The following MAT2B variants were observed in gnomAD, a reference collection of about 807,000 sequenced individuals.
The protein encoded by MAT2B is methionine adenosyltransferase 2 subunit beta.
A neutral mutation model predicts 36.1 loss-of-function variants in MAT2B; 16 were observed. The ratio of observed to expected loss-of-function variants is 0.44; its 90% CI spans 0.30 to 0.67. MAT2B has a LOEUF of 0.67. Ranked by LOEUF, MAT2B falls within the 30% of genes least tolerant of loss-of-function variation. The pLI, the probability that MAT2B is intolerant of heterozygous loss-of-function variation, is 0.09. For synonymous variants in MAT2B, 148 were observed against 136.9 expected, an observed-to-expected ratio of 1.08 and a Z score of -0.57; for missense variants, 332 against 398.2, an observed-to-expected ratio of 0.83 and a Z score of 1.42.
intron 4 of MAT2B, among the ~76,000 whole-genome samples, chr5:163,515,315 T>C (rs2113560401): frequency 6.6e-6 from 1 of 152,332 alleles, no homozygotes; most frequent in Middle Eastern, 3.4e-3. Flanking sequence ...TAAATATTAA[T>C]GAGTGGTTGT....
At position 163,518,455 on chromosome 5, in the gene MAT2B, C is replaced by T; in HGVS notation, c.*92C>T. On this transcript the variant is annotated 3_prime_UTR_variant, in exon 7 of 7. Coordinates refer to ENST00000321757, the MANE Select transcript of MAT2B (RefSeq NM_013283.5). ...CAAAGGAAATAGTTTTGTATGAGTA[C>T]TTTAATTGTGACTCTTAGGATCTTT... The T allele has an allele frequency of 1.9e-6, 2 of 1,047,632 alleles. No homozygotes were observed. Among genetic ancestry groups the T allele is most frequent in the Non-Finnish European group, 2.7e-6 (2 of 737,648 alleles). The allele number at this position is 1,047,632 out of a possible 1,614,324, so 64.9% of individuals were successfully genotyped here. A position where few individuals can be genotyped will look rare whatever the true frequency, so the allele number is the denominator to read the frequency against.
At chr5:163,515,706 A>G (rs990418822) in intron 4 of MAT2B, among the ~76,000 whole-genome samples, 1 of 150,880 alleles carries the variant, frequency 6.6e-6, no homozygotes, top group African/African-American at 2.4e-5. Context: ...TGTAGGATTT[A>G]TATATATAAA....
intron 2 of MAT2B, chr5:163,512,550 G>A (rs774113340): frequency 4.5e-5 from 17 of 375,462 alleles, no homozygotes; most frequent in Middle Eastern, 9.0e-4. Flanking sequence ...AGAGGTTTTC[G>A]GTATCATTGA....
upstream of MAT2B, chr5:163,505,511 GT>G: frequency 8.1e-7 from 1 of 1,238,408 alleles, no homozygotes. Context: ...TTTCTGGGGC[GT>G]CGGCGGAGCG....
In MAT2B at chr5:163,509,614, TA is replaced by T. The variant is rs370969942; in HGVS notation, c.64-2383del. Among the ~76,000 whole-genome samples the T allele has an allele frequency of 5.3e-3, 802 of 152,292 alleles. 5 individuals carry two copies. Among genetic ancestry groups the T allele is most frequent in the African/African-American group, 0.018 (768 of 41,552 alleles). ...GTTCCTTTGCTTCCGTAGAGTGAAG[TA>T]AAAAGTGAGGAACTCAGAAGAAACC... On this transcript the variant is annotated intron_variant, in intron 1 of 6. Coordinates refer to ENST00000321757, the MANE Select transcript of MAT2B (RefSeq NM_013283.5).
intron 5 of MAT2B, 102 bp downstream of exon 5, chr5:163,516,813 A>G (rs1207869365): frequency 2.3e-6 from 3 of 1,302,518 alleles, no homozygotes; most frequent in Admixed American, 1.9e-5. Context: ...GTGAAAGCCA[A>G]AAGTGCTTTT....
intron 4 of MAT2B, 46 bp downstream of exon 4, chr5:163,514,040 A>G: frequency 1.3e-6 from 2 of 1,517,880 alleles, no homozygotes; most frequent in Non-Finnish European, 1.8e-6. Context: ...GAAGACTTTA[A>G]AAATCATTTA....
In MAT2B at chr5:163,517,627, T is replaced by C. The variant is rs1262037578; in HGVS notation, c.787T>C (p.Cys263Arg). ...NEQMTKYEMA[C>R]AIADAFNLPS... is the part of the protein sequence containing the mutation. ...ACAGATGACTAAGTATGAAATGGCA[T>C]GTGCAATTGCAGATGCCTTCAACCT... The change falls in exon 6 of 7, where the codon TGT (cysteine) becomes CGT (arginine). Residue 263 changes from cysteine to arginine, a missense_variant. Physicochemically the swap from Cys to Arg is radical, Grantham distance 180. Coordinates refer to ENST00000321757, the MANE Select transcript of MAT2B (RefSeq NM_013283.5). 1.2e-6 allele frequency: 2 copies of C among 1,613,840 alleles called. No individual in the cohort carries two copies. The highest frequency in any genetic ancestry group is 2.7e-5 in the African/African-American group (2 of 74,930).
At chr5:163,509,206 C>A (rs1434361059) in intron 1 of MAT2B, among the ~76,000 whole-genome samples, 1 of 152,112 alleles carries the variant, frequency 6.6e-6, no homozygotes, top group Non-Finnish European at 1.5e-5. Context: ...AACTGTACTT[C>A]ACAGAGTCAG....
At chr5:163,506,749 A>G (rs1759949101) in intron 1 of MAT2B, among the ~76,000 whole-genome samples, 1 of 152,238 alleles carries the variant, frequency 6.6e-6, no homozygotes, top group African/African-American at 2.4e-5. Flanking sequence ...TTACATTTAT[A>G]TGTATGCATT....
upstream of MAT2B, chr5:163,505,421 C>T (rs1759909977): frequency 2.6e-6 from 2 of 765,392 alleles, no homozygotes; most frequent in African/African-American, 1.8e-5. Context: ...AATTCACTGC[C>T]TAAGGTCAGG....
chr5:163,513,385 GC>G (rs1760080553), intron 2 of MAT2B, 169 bp from the exon 3 acceptor site: 1 of 529,934 alleles, frequency 1.9e-6, no homozygotes, highest in African/African-American at 1.9e-5. Flanking sequence ...TTTGAACCTT[GC>G]GGGGAAAAGA....
intron 1 of MAT2B, among the ~76,000 whole-genome samples, chr5:163,507,767 C>T (rs1759969710): frequency 6.6e-6 from 1 of 152,172 alleles, no homozygotes; most frequent in Admixed American, 6.5e-5. Flanking sequence ...GTGTAAAAGG[C>T]AGAGTATTGC....
At chr5:163,509,442 A>G (rs888267812) in intron 1 of MAT2B, among the ~76,000 whole-genome samples, 3 of 152,196 alleles carry the variant, frequency 2.0e-5, no homozygotes, top group African/African-American at 7.2e-5. Flanking sequence ...GCGGTCTCCA[A>G]ATCACGATGA....
At position 163,514,009 on chromosome 5, in the gene MAT2B, A is replaced by C. The variant is rs1554099905; in HGVS notation, c.526+15A>C. On this transcript the variant is annotated intron_variant, in intron 4 of 6. Transcript: ENST00000321757. ...GAACAATCTAGGTAAGACCTAATCT[A>C]TTTAGCCCCTGATTGTTTTTGAAGA... is the stretch of plus-strand genomic sequence containing the variant. The C allele has an allele frequency of 6.3e-7, 1 of 1,590,028 alleles. No individual in the cohort carries two copies. The highest frequency in any genetic ancestry group is 8.5e-7 in the Non-Finnish European group (1 of 1,171,298).
intron 4 of MAT2B, among the ~76,000 whole-genome samples, chr5:163,515,034 A>G (rs1760110420): frequency 6.6e-6 from 1 of 152,160 alleles, no homozygotes; most frequent in Non-Finnish European, 1.5e-5. Context: ...GCAGAAAGGG[A>G]TGTGCTTCTT....
At chr5:163,509,942 C>G (rs186571428) in intron 1 of MAT2B, among the ~76,000 whole-genome samples, 1 of 152,186 alleles carries the variant, frequency 6.6e-6, no homozygotes, top group African/African-American at 2.4e-5. Context: ...TAAGAATTTA[C>G]CTTTATACTA....
Position 163,518,429 on chromosome 5 carries a change from A to G in MAT2B, c.*66A>G. 1 of 1,377,346 alleles carries G rather than the reference A, an allele frequency of 7.3e-7. No homozygotes were observed. Among genetic ancestry groups the G allele is most frequent in the Non-Finnish European group, 9.9e-7 (1 of 1,010,594 alleles). The allele number at this position is 1,377,346 out of a possible 1,614,324, so 85.3% of individuals were successfully genotyped here. A position where few individuals can be genotyped will look rare whatever the true frequency, so the allele number is the denominator to read the frequency against. On this transcript the variant is annotated 3_prime_UTR_variant, in exon 7 of 7. Transcript: ENST00000321757. ...TATAGTATGTGGCACTTTTTAAAGA[A>G]CAAAGGAAATAGTTTTGTATGAGTA...
At chr5:163,511,001 T>C (rs1760030386) in intron 1 of MAT2B, among the ~76,000 whole-genome samples, 1 of 152,168 alleles carries the variant, frequency 6.6e-6, no homozygotes, top group Non-Finnish European at 1.5e-5. Flanking sequence ...CGTTTCTCTC[T>C]AGAGACTCAA....
Sources: gnomAD v4.1 joint callset for allele counts (sites outside exome capture counted in the v4.1 genomes callset) on GRCh38, gnomAD v4.1.1 for gene constraint, MANE v1.5 for transcripts, NCBI Gene and HGNC (gene_info 2026-07-23, HGNC 2026-07-21) for gene names.